Variants in CRPPA observed in about 807,000 individuals in gnomAD.
CRPPA encodes CDP-L-ribitol pyrophosphorylase A, also known as D-ribitol-5-phosphate cytidylyltransferase.
Under a neutral mutation model 52.0 loss-of-function variants are expected in CRPPA, and 43 were observed. That is an observed-to-expected ratio of 0.83 (90% CI 0.65 to 1.07). The LOEUF (loss-of-function observed/expected upper bound fraction) is 1.07, where lower values mean the gene tolerates loss of function less well. Among genes scored for constraint, CRPPA ranks in the 50% least tolerant of loss-of-function variants. CRPPA has a pLI of 0.00. For missense variants in CRPPA, 629 were observed against 551.7 expected (o/e 1.14, Z -1.40); for synonymous variants, 250 against 203.5 (o/e 1.23, Z -1.94).
intron 3 of CRPPA, among the ~76,000 whole-genome samples, chr7:16,336,430 T>C (rs1393897670): frequency 6.6e-6 from 1 of 151,920 alleles, no homozygotes; most frequent in Non-Finnish European, 1.5e-5. Flanking sequence ...GTAGGCCTAG[T>C]ATAAAAATAT....
rs115974198 is a variant in CRPPA at position 16,420,989 on chromosome 7, G to A, written c.257+77C>T. On this transcript the variant is annotated intron_variant, in intron 1 of 9. Transcript: ENST00000407010. ...GGCAGTCCCCCAAGTGAAGGTGCTAGCGCTAGAGCAGCGGCAGGGCGGGGA... is the reference window on the plus strand; with the variant it reads ...GGCAGTCCCCCAAGTGAAGGTGCTAACGCTAGAGCAGCGGCAGGGCGGGGA... The A allele has an allele frequency of 2.3e-3, 2,735 of 1,205,532 alleles. 50 individuals carry two copies. The African/African-American group carries it at 0.036, about 16-fold the overall frequency. The allele number at this position is 1,205,532 out of a possible 1,614,324, so 74.7% of individuals were successfully genotyped here.
Position 16,090,628 on chromosome 7 carries a change from G to A in CRPPA, c.*1067C>T, listed in dbSNP as rs1781818166. ...ATCCCAGCTACTCGGGAGGCTGAGG[G>A]AGGATAATTGCTTAAACCCAGGAGG... On this transcript the variant is annotated 3_prime_UTR_variant, in exon 10 of 10. Transcript: ENST00000407010. 1.3e-5 allele frequency: 2 copies of A among 151,956 alleles called. No individual in the cohort carries two copies. The allele number at this position is 151,956 out of a possible 1,614,324, so 9.4% of individuals were successfully genotyped here. A position where few individuals can be genotyped will look rare whatever the true frequency, so the allele number is the denominator to read the frequency against.
chr7:16,168,219 T>C (rs917925585), intron 9 of CRPPA, among the ~76,000 whole-genome samples: 5 of 152,180 alleles, frequency 3.3e-5, no homozygotes, highest in African/African-American at 1.2e-4. Flanking sequence ...GCTAAATAGA[T>C]AATTCATGTT....
At chr7:16,416,161 G>C (rs1359916361) in intron 1 of CRPPA, among the ~76,000 whole-genome samples, 1 of 152,164 alleles carries the variant, frequency 6.6e-6, no homozygotes, top group East Asian at 1.9e-4. Context: ...ATACTATAAG[G>C]CTACAGTAAC....
intron 8 of CRPPA, among the ~76,000 whole-genome samples, chr7:16,242,110 A>G (rs1783132922): frequency 6.6e-6 from 1 of 151,096 alleles, no homozygotes; most frequent in African/African-American, 2.4e-5. Context: ...ACCCGCCACC[A>G]CACCCGGCTA....
intron 9 of CRPPA, among the ~76,000 whole-genome samples, chr7:16,140,802 C>T (rs1022200095): frequency 2.6e-5 from 4 of 152,142 alleles, no homozygotes; most frequent in Non-Finnish European, 4.4e-5. Context: ...CCATTTCTTA[C>T]CAATAAAATA....
chr7:16,419,569 A>G (rs1316435340), intron 1 of CRPPA, among the ~76,000 whole-genome samples: 1 of 152,144 alleles, frequency 6.6e-6, no homozygotes, highest in Admixed American at 6.6e-5. Flanking sequence ...AACCTCTCCA[A>G]ATTGCTCCTG....
chr7:16,399,552 G>C (rs1286433177), intron 2 of CRPPA, among the ~76,000 whole-genome samples: 1 of 152,014 alleles, frequency 6.6e-6, no homozygotes, highest in Non-Finnish European at 1.5e-5. Context: ...AGATTGACAT[G>C]AATGACATGA....
intron 3 of CRPPA, among the ~76,000 whole-genome samples, chr7:16,354,662 T>C (rs1786250448): frequency 6.6e-6 from 1 of 151,642 alleles, no homozygotes; most frequent in South Asian, 2.1e-4. Flanking sequence ...TTGCAGTTTT[T>C]ATTATTATTA....
At chr7:16,387,179 G>A (rs1252423626) in intron 2 of CRPPA, among the ~76,000 whole-genome samples, 1 of 147,072 alleles carries the variant, frequency 6.8e-6, no homozygotes, top group Non-Finnish European at 1.5e-5. Flanking sequence ...TTATTAGGTT[G>A]GTACAAAAGT....
At chr7:16,265,251 G>A (rs993753799) in intron 6 of CRPPA, among the ~76,000 whole-genome samples, 1 of 152,152 alleles carries the variant, frequency 6.6e-6, no homozygotes, top group African/African-American at 2.4e-5. Flanking sequence ...TAGCTAGCTG[G>A]TCATACTAAA....
intron 3 of CRPPA, among the ~76,000 whole-genome samples, chr7:16,339,149 C>T (rs62441917): frequency 0.22 from 33,036 of 151,992 alleles, 4,459 homozygotes; most frequent in Admixed American, 0.3. Flanking sequence ...TCTCTACAAT[C>T]TCTTTCAGAC....
chr7:16,418,570 A>G (rs1788249402), intron 1 of CRPPA, among the ~76,000 whole-genome samples: 1 of 152,148 alleles, frequency 6.6e-6, no homozygotes, highest in African/African-American at 2.4e-5. Context: ...AGGGAAAGGA[A>G]GGTGCCTTCT....
At chr7:16,406,943 A>G (rs1247738118) in intron 1 of CRPPA, among the ~76,000 whole-genome samples, 1 of 152,202 alleles carries the variant, frequency 6.6e-6, no homozygotes, top group Non-Finnish European at 1.5e-5. Context: ...GGATTGTTCT[A>G]TTGAGTCATA....
chr7:16,159,045 T>A (rs2128381293), intron 9 of CRPPA, among the ~76,000 whole-genome samples: 1 of 152,334 alleles, frequency 6.6e-6, no homozygotes, highest in South Asian at 2.1e-4. Flanking sequence ...TAAGAGGATA[T>A]CCGTGGCCAA....
At position 16,178,033 on chromosome 7, in the gene CRPPA, G is replaced by A. The variant is rs370538385; in HGVS notation, c.1251+38033C>T. ...TATAAACACCAGAGAGATTAATGAA[G>A]ATTTCTTGGCTGTTGTCTAAAAGAA... On this transcript the variant is annotated intron_variant, in intron 9 of 9. Coordinates refer to ENST00000407010, the MANE Select transcript of CRPPA (RefSeq NM_001101426.4). Among the ~76,000 whole-genome samples, 9 of 148,942 alleles carry A rather than the reference G, an allele frequency of 6.0e-5. 1 individual carries two copies. The South Asian group carries it at 6.4e-4, about 11-fold the overall frequency.
chr7:16,240,720 T>C (rs568321051), intron 8 of CRPPA, among the ~76,000 whole-genome samples: 1 of 152,246 alleles, frequency 6.6e-6, no homozygotes, highest in South Asian at 2.1e-4. Flanking sequence ...TTGTTTGATA[T>C]GAACTTGTGC....
chr7:16,102,380 T>C (rs1038142515), intron 9 of CRPPA, among the ~76,000 whole-genome samples: 1 of 151,788 alleles, frequency 6.6e-6, no homozygotes, highest in African/African-American at 2.4e-5. Context: ...GCAATACCAT[T>C]CAGGACACAG....
Position 16,262,770 on chromosome 7 carries a change from T to C in CRPPA, c.934-3758A>G, listed in dbSNP as rs540163128. Among the ~76,000 whole-genome samples, 9 of 152,324 alleles carry C rather than the reference T, an allele frequency of 5.9e-5. 1 individual carries two copies. The South Asian group carries it at 1.9e-3, about 32-fold the overall frequency. ...CTAAGTTAAAAATAAAAGAATTATC[T>C]TAATGAATCAACTTTTGCCCCCATT... On this transcript the variant is annotated intron_variant, in intron 6 of 9. Transcript: ENST00000407010.
Sources: allele counts gnomAD v4.1 joint callset (sites outside exome capture counted in the v4.1 genomes callset), GRCh38; gene constraint gnomAD v4.1.1; transcripts MANE v1.5; gene names NCBI Gene and HGNC (gene_info 2026-07-23, HGNC 2026-07-21).